Variants in CHN1 observed in about 807,000 individuals in gnomAD.
CHN1 encodes N-chimaerin.
CHN1 carries 37 observed loss-of-function variants against 59.5 expected under a neutral mutation model. The ratio of observed to expected loss-of-function variants is 0.62; its 90% CI spans 0.48 to 0.82. The LOEUF (loss-of-function observed/expected upper bound fraction) is 0.82, where lower values mean the gene tolerates loss of function less well. Among genes scored for constraint, CHN1 ranks in the 40% least tolerant of loss-of-function variants. The probability of loss-of-function intolerance (pLI) is 0.00; values close to 1 mark genes in which losing one functional copy is unlikely to be tolerated. For synonymous variants in CHN1, 206 were observed against 200.4 expected, an observed-to-expected ratio of 1.03 and a Z score of -0.24; for missense variants, 469 against 571.0, an observed-to-expected ratio of 0.82 and a Z score of 1.82.
At chr2:174,874,128 T>C (rs13391129) in intron 6 of CHN1, among the ~76,000 whole-genome samples, 67,402 of 151,754 alleles carry the variant, frequency 0.44, 15,240 homozygotes, top group Admixed American at 0.52. Context: ...TTTGGGGAAA[T>C]TGAAATTATA....
intron 1 of CHN1, among the ~76,000 whole-genome samples, chr2:175,003,536 A>C (rs1691955946): frequency 6.6e-6 from 1 of 152,224 alleles, no homozygotes; most frequent in Admixed American, 6.5e-5. Context: ...AATGCCAAAT[A>C]TCTCTTTAGG....
At chr2:174,981,226 C>T (rs1691137853) in intron 1 of CHN1, among the ~76,000 whole-genome samples, 1 of 152,052 alleles carries the variant, frequency 6.6e-6, no homozygotes, top group Non-Finnish European at 1.5e-5. Flanking sequence ...TTGATGTAGA[C>T]ATGTCATTTT....
chr2:174,975,277 T>C (rs1690885361), intron 1 of CHN1, among the ~76,000 whole-genome samples: 1 of 152,180 alleles, frequency 6.6e-6, no homozygotes, highest in Non-Finnish European at 1.5e-5. Context: ...GAGCCAAATT[T>C]TCATTTCTTA....
At chr2:174,807,444 A>ATGTGTGTG (rs1248242019) in intron 11 of CHN1, among the ~76,000 whole-genome samples, 8 of 90,328 alleles carry the variant, frequency 8.9e-5, no homozygotes, top group East Asian at 4.1e-4. Flanking sequence ...TTCACGGGCT[A>ATGTGTGTG]TCTGTGTGTG....
Position 174,878,144 on chromosome 2 carries a change from G to A in CHN1, c.261-16C>T. On this transcript the variant is annotated splice_polypyrimidine_tract_variant and intron_variant, in intron 5 of 12. Transcript: ENST00000409900. ...ACTTCCAAATCTGCCTCAATGAAAT[G>A]GGAAAGATGTTTTTAAGAAAAGTAA... is the stretch of plus-strand genomic sequence containing the variant. 4 of 1,511,980 alleles carry A rather than the reference G, an allele frequency of 2.6e-6. No homozygotes were observed. Among genetic ancestry groups the A allele is most frequent in the Non-Finnish European group, 3.5e-6 (4 of 1,129,022 alleles). The allele number at this position is 1,511,980 out of a possible 1,614,324, so 93.7% of individuals were successfully genotyped here. A position where few individuals can be genotyped will look rare whatever the true frequency, so the allele number is the denominator to read the frequency against.
At chr2:174,820,700 C>T (rs540058186) in intron 8 of CHN1, among the ~76,000 whole-genome samples, 60 of 152,272 alleles carry the variant, frequency 3.9e-4, no homozygotes, top group Non-Finnish European at 6.2e-4. Context: ...CTCATCGCTG[C>T]GGTGTGCTTA....
intron 11 of CHN1, 61 bp downstream of exon 11, chr2:174,808,844 A>G: frequency 6.4e-7 from 1 of 1,567,312 alleles, no homozygotes; most frequent in Non-Finnish European, 8.8e-7. Flanking sequence ...CCAGAAAACC[A>G]GGAAGGTGAT....
chr2:174,986,694 C>T (rs1019169497), intron 1 of CHN1, among the ~76,000 whole-genome samples: 7 of 152,186 alleles, frequency 4.6e-5, no homozygotes, highest in South Asian at 2.1e-4. Context: ...ACATTTACAA[C>T]GATCCACATA....
chr2:174,979,454 A>T (rs1473068275), intron 1 of CHN1, among the ~76,000 whole-genome samples: 1 of 152,194 alleles, frequency 6.6e-6, no homozygotes, highest in African/African-American at 2.4e-5. Context: ...TCTACAGTCA[A>T]CTCAGGAAAC....
At position 174,870,689 on chromosome 2, in the gene CHN1, T is replaced by C. The variant is rs182967259; in HGVS notation, c.549+7151A>G. On this transcript the variant is annotated intron_variant, in intron 6 of 12. Transcript: ENST00000409900. The stretch of plus-strand genomic sequence containing the variant: ...CTTTGTACCCCAAATGGTGTTACTC[T>C]TCTATAAGCTACCAGAGTTGATTCC... 3.3e-5 allele frequency among the ~76,000 whole-genome samples: 5 copies of C among 152,340 alleles called. No homozygotes were observed. In the East Asian group the frequency reaches 9.6e-4, roughly 29 times the overall value.
intron 1 of CHN1, among the ~76,000 whole-genome samples, chr2:174,961,578 T>C (rs1180922847): frequency 2.0e-5 from 3 of 148,772 alleles, no homozygotes; most frequent in African/African-American, 7.4e-5. Context: ...GCAAAAAGAG[T>C]GAAACTCCGT....
intron 3 of CHN1, 72 bp from the exon 4 acceptor site, chr2:174,918,637 G>A: frequency 1.1e-5 from 13 of 1,235,164 alleles, no homozygotes; most frequent in Non-Finnish European, 5.7e-6. Context: ...AACATTTTGT[G>A]CATGTGACAA....
intron 7 of CHN1, among the ~76,000 whole-genome samples, chr2:174,839,605 T>TA (rs1491407570): frequency 8.8e-6 from 1 of 114,138 alleles, no homozygotes; most frequent in African/African-American, 3.7e-5. Flanking sequence ...CACTTAAAGA[T>TA]TTTTTTTTTT....
intron 3 of CHN1, among the ~76,000 whole-genome samples, chr2:174,927,110 C>T (rs777513546): frequency 1.3e-5 from 2 of 152,074 alleles, no homozygotes; most frequent in Non-Finnish European, 2.9e-5. Context: ...TGCCCTTTAC[C>T]CTTTAAATAA....
intron 1 of CHN1, among the ~76,000 whole-genome samples, chr2:174,955,546 G>A (rs747135767): frequency 4.6e-5 from 7 of 151,608 alleles, no homozygotes; most frequent in Non-Finnish European, 1.0e-4. Context: ...ACAATGCTCG[G>A]GTGATAGGTG....
chr2:174,847,166 T>C (rs927474391), intron 6 of CHN1: 10 of 1,527,622 alleles, frequency 6.5e-6, no homozygotes, highest in Non-Finnish European at 7.9e-6. Flanking sequence ...CCTATAGTGG[T>C]CTATGTCTGT....
intron 1 of CHN1, among the ~76,000 whole-genome samples, chr2:175,003,012 CA>C (rs777425802): frequency 3.9e-5 from 6 of 152,218 alleles, no homozygotes; most frequent in Non-Finnish European, 7.3e-5. Context: ...TTGAATACAA[CA>C]GTTCTCAAAC....
intron 3 of CHN1, among the ~76,000 whole-genome samples, chr2:174,936,022 T>A (rs1689486275): frequency 6.6e-6 from 1 of 152,194 alleles, no homozygotes. Context: ...TAGTTAGAAT[T>A]TGAAAACAGT....
intron 5 of CHN1, among the ~76,000 whole-genome samples, chr2:174,885,124 A>T (rs890082839): frequency 7.6e-6 from 1 of 130,810 alleles, no homozygotes; most frequent in Non-Finnish European, 1.6e-5. Flanking sequence ...CATCTCTACT[A>T]AAAAAAAAAA....
Sources: allele counts gnomAD v4.1 joint callset (sites outside exome capture counted in the v4.1 genomes callset), GRCh38; gene constraint gnomAD v4.1.1; transcripts MANE v1.5; gene names NCBI Gene and HGNC (gene_info 2026-07-23, HGNC 2026-07-21).